REDIC1: variants seen among roughly 807,000 people sequenced by gnomAD.
REDIC1 encodes the protein HEI10 Interacting Protein 1.
the REDIC1 span, among the ~76,000 whole-genome samples, chr12:39,698,475 C>T: frequency 1.3e-5 from 2 of 152,296 alleles, no homozygotes; most frequent in East Asian, 3.9e-4. Flanking sequence ...CAGACTTCAT[C>T]TGTACTATAG....
At chr12:39,821,391 C>T in the REDIC1 span, among the ~76,000 whole-genome samples, 1 of 151,672 alleles carries the variant, frequency 6.6e-6, no homozygotes, top group Admixed American at 6.6e-5. Flanking sequence ...GCCTGGGTAA[C>T]AGAGCAAGAC....
chr12:39,787,281 T>C, the REDIC1 span, among the ~76,000 whole-genome samples: 1 of 152,230 alleles, frequency 6.6e-6, no homozygotes, highest in Non-Finnish European at 1.5e-5. Context: ...GGTATTTTCA[T>C]TTAAAAATGC....
At chr12:39,870,526 C>G in the REDIC1 span, among the ~76,000 whole-genome samples, 1 of 152,068 alleles carries the variant, frequency 6.6e-6, no homozygotes, top group Non-Finnish European at 1.5e-5. Flanking sequence ...AAATAAAATA[C>G]CTGGTAGGCT....
chr12:39,712,306 AT>A, the REDIC1 span, among the ~76,000 whole-genome samples: 1 of 46,522 alleles, frequency 2.1e-5, no homozygotes, highest in Non-Finnish European at 6.4e-5. Context: ...ATATACATAC[AT>A]ATATATGTAT....
At chr12:39,828,954 T>C in the REDIC1 span, among the ~76,000 whole-genome samples, 1 of 152,174 alleles carries the variant, frequency 6.6e-6, no homozygotes, top group Non-Finnish European at 1.5e-5. Context: ...TCAACTAACA[T>C]ATAATTTACT....
the REDIC1 span, among the ~76,000 whole-genome samples, chr12:39,702,603 A>G: frequency 1.2e-4 from 19 of 152,150 alleles, no homozygotes; most frequent in Non-Finnish European, 1.9e-4. Flanking sequence ...CATCATCCTG[A>G]TACCAAAGCC....
At chr12:39,901,905 C>T in the REDIC1 span, among the ~76,000 whole-genome samples, 33 of 151,736 alleles carry the variant, frequency 2.2e-4, no homozygotes, top group African/African-American at 7.3e-4. Flanking sequence ...ATGTTTATTG[C>T]GGCATTATTC....
chr12:39,648,767 T>C, the REDIC1 span, among the ~76,000 whole-genome samples: 2 of 150,650 alleles, frequency 1.3e-5, no homozygotes, highest in African/African-American at 4.9e-5. Context: ...TTATAATTAA[T>C]TTATAGTTTT....
the REDIC1 span, among the ~76,000 whole-genome samples, chr12:39,745,428 TGTAA>T: frequency 1.3e-5 from 2 of 152,196 alleles, no homozygotes; most frequent in African/African-American, 4.8e-5. Context: ...AGCTACTTAA[TGTAA>T]GTGACTCTGC....
At chr12:39,711,567 A>ATGCGCATACACATGCATGTG in the REDIC1 span, among the ~76,000 whole-genome samples, 7 of 13,572 alleles carry the variant, frequency 5.2e-4, no homozygotes, top group Admixed American at 9.4e-4. Context: ...ATGCATGTGT[A>ATGCGCATACACATGCATGTG]TATGTGCATA....
At chr12:39,900,207 A>G in the REDIC1 span, among the ~76,000 whole-genome samples, 2 of 152,146 alleles carry the variant, frequency 1.3e-5, no homozygotes, top group Admixed American at 6.6e-5. Flanking sequence ...AATAAGAGCT[A>G]TCTATGACAA....
chr12:39,784,064 C>T, the REDIC1 span, among the ~76,000 whole-genome samples: 24 of 152,058 alleles, frequency 1.6e-4, no homozygotes, highest in Non-Finnish European at 2.8e-4. Context: ...CACTGCTCAA[C>T]GAAATAAAAG....
the REDIC1 span, among the ~76,000 whole-genome samples, chr12:39,708,826 A>G: frequency 6.6e-6 from 1 of 151,838 alleles, no homozygotes; most frequent in Non-Finnish European, 1.5e-5. Context: ...GCACTTTTTA[A>G]AAAGTTTTTT....
At chr12:39,870,802 T>C in the REDIC1 span, among the ~76,000 whole-genome samples, 2 of 152,186 alleles carry the variant, frequency 1.3e-5, no homozygotes, top group Non-Finnish European at 2.9e-5. Context: ...GGTGAAAGCG[T>C]TCTACTCTTC....
the REDIC1 span, among the ~76,000 whole-genome samples, chr12:39,678,629 C>A: frequency 4.1e-3 from 397 of 95,914 alleles, no homozygotes; most frequent in South Asian, 8.6e-3. Flanking sequence ...AAAGGCATAA[C>A]AAAAAAAAAA....
the REDIC1 span, among the ~76,000 whole-genome samples, chr12:39,767,184 G>A: frequency 1.2e-3 from 175 of 152,140 alleles, 2 homozygotes; most frequent in East Asian, 0.025. Context: ...TGATCCATGG[G>A]CTGCAGAATG....
chr12:39,697,251 T>C, the REDIC1 span, among the ~76,000 whole-genome samples: 1 of 152,150 alleles, frequency 6.6e-6, no homozygotes, highest in Non-Finnish European at 1.5e-5. Context: ...TACCCTAAAA[T>C]AGTATATCCA....
the REDIC1 span, among the ~76,000 whole-genome samples, chr12:39,712,104 G>A: frequency 1.2e-4 from 15 of 125,470 alleles, no homozygotes; most frequent in South Asian, 3.3e-3. Flanking sequence ...ATATATACCT[G>A]TATATATACC....
At chr12:39,663,327 T>A in the REDIC1 span, among the ~76,000 whole-genome samples, 26 of 152,178 alleles carry the variant, frequency 1.7e-4, no homozygotes, top group African/African-American at 6.3e-4. Flanking sequence ...AAATGTTGTA[T>A]CCTCCTGCTG....
Sources: allele counts gnomAD v4.1 joint callset (sites outside exome capture counted in the v4.1 genomes callset), GRCh38; gene constraint gnomAD v4.1.1; transcripts MANE v1.5; gene names NCBI Gene and HGNC (gene_info 2026-07-23, HGNC 2026-07-21).